The following PRKCH variants were observed in gnomAD, a reference collection of about 807,000 sequenced individuals.
PRKCH encodes the protein protein kinase C eta.
Under a neutral mutation model 82.5 loss-of-function variants are expected in PRKCH, and 28 were observed. The observed-to-expected ratio is 0.34, with a 90% CI of 0.25 to 0.47. The LOEUF (loss-of-function observed/expected upper bound fraction) is 0.47, where lower values mean the gene tolerates loss of function less well. Ranked by LOEUF, PRKCH falls within the 20% of genes least tolerant of loss-of-function variation. The pLI is 1.00. For synonymous variants in PRKCH, 322 were observed against 327.4 expected (o/e 0.98, Z 0.18); for missense variants, 705 against 881.8 (o/e 0.80, Z 2.54).
In PRKCH at chr14:61,549,886, C is replaced by A; in HGVS notation, c.*55C>A. The A allele has an allele frequency of 6.4e-7, 1 of 1,571,214 alleles. No individual in the cohort carries two copies. The highest frequency in any genetic ancestry group is 8.6e-7 in the Non-Finnish European group (1 of 1,156,946). ...GAACCCAAAGGGAATAGAGATTCTC[C>A]AGGAATTTCCTCTATGGGACCTTCC... On this transcript the variant is annotated 3_prime_UTR_variant, in exon 14 of 14. Coordinates refer to ENST00000332981, the MANE Select transcript of PRKCH (RefSeq NM_006255.5).
Position 61,405,795 on chromosome 14 carries a change from G to A in PRKCH, c.427+14507G>A, listed in dbSNP as rs145455927. Among the ~76,000 whole-genome samples the A allele has an allele frequency of 3.2e-3, 463 of 145,498 alleles. 2 individuals carry two copies. Among genetic ancestry groups the A allele is most frequent in the African/African-American group, 0.012 (439 of 36,408 alleles). ...GTAAGTAGGTTGGAGCTCAGTCTTGGTACCTTATAGGGACTTAGTATATAG... is the reference window on the plus strand; with the variant it reads ...GTAAGTAGGTTGGAGCTCAGTCTTGATACCTTATAGGGACTTAGTATATAG... On this transcript the variant is annotated intron_variant, in intron 2 of 13. Coordinates refer to ENST00000332981, the MANE Select transcript of PRKCH (RefSeq NM_006255.5).
In PRKCH at chr14:61,261,327, G is replaced by A. The variant is rs569222145; in HGVS notation, c.-19+73659G>A. 2.1e-4 allele frequency among the ~76,000 whole-genome samples: 32 copies of A among 152,332 alleles called. 2 individuals carry two copies. The South Asian group carries it at 3.5e-3, about 17-fold the overall frequency. ...TAGTTGAAGCAGCATGGGTGGCTGC[G>A]CTGTATGAGAAACAGATGTAAGCTC... On this transcript the variant is annotated intron_variant, in intron 1 of 3. Coordinates refer to the PRKCH transcript ENST00000555185.
intron 1 of PRKCH, among the ~76,000 whole-genome samples, chr14:61,295,737 C>A (rs977956225): frequency 6.6e-6 from 1 of 152,180 alleles, no homozygotes; most frequent in African/African-American, 2.4e-5. Context: ...TATTCTAGAC[C>A]AAGAGGAAGT....
At chr14:61,504,439 C>T (rs1052825231) in intron 10 of PRKCH, among the ~76,000 whole-genome samples, 7 of 152,298 alleles carry the variant, frequency 4.6e-5, no homozygotes, top group Admixed American at 3.9e-4. Flanking sequence ...ATCTACTCAC[C>T]TCGGCCTCCC....
chr14:61,248,998 C>T (rs117834858), intron 1 of PRKCH, among the ~76,000 whole-genome samples: 2,242 of 152,124 alleles, frequency 0.015, 21 homozygotes, highest in Middle Eastern at 0.037. Context: ...GACGGGGTTT[C>T]GCCATGTTTA....
intron 1 of PRKCH, among the ~76,000 whole-genome samples, chr14:61,223,104 C>G (rs1337392650): frequency 6.6e-6 from 1 of 152,124 alleles, no homozygotes; most frequent in Admixed American, 6.6e-5. Context: ...ATCCAATTCT[C>G]CATAAGCAAA....
At chr14:61,290,636 T>C (rs2045353063) in intron 1 of PRKCH, among the ~76,000 whole-genome samples, 1 of 152,176 alleles carries the variant, frequency 6.6e-6, no homozygotes, top group Non-Finnish European at 1.5e-5. Flanking sequence ...AAGACAGGGT[T>C]TGAACAAGGA....
At chr14:61,522,115 C>A (rs1054546433) in intron 10 of PRKCH, among the ~76,000 whole-genome samples, 1 of 152,186 alleles carries the variant, frequency 6.6e-6, no homozygotes, top group Non-Finnish European at 1.5e-5. Context: ...GATCCAGAAC[C>A]TGCTGATGCC....
At position 61,360,278 on chromosome 14, in the gene PRKCH, G is replaced by T. The variant is rs535161671; in HGVS notation, c.364-30947G>T. The stretch of plus-strand genomic sequence containing the variant: ...CCAGCACTTTGGGAGGCCAAGGCAG[G>T]TGGATCACTTGAGGTCAGGAGATCA... On this transcript the variant is annotated intron_variant, in intron 1 of 13. Transcript: ENST00000332981. Among the ~76,000 whole-genome samples, 12 of 152,338 alleles carry T rather than the reference G, an allele frequency of 7.9e-5. No homozygotes were observed. In the East Asian group the frequency reaches 1.9e-3, roughly 24 times the overall value.
rs569552080 is a variant in PRKCH, at chr14:61,479,515, G to A, written c.1279-5987G>A. On this transcript the variant is annotated intron_variant, in intron 9 of 13. Transcript: ENST00000332981. Reference sequence around the variant, plus strand: ...ATCTTGCCCTGCCTGGTCCATGCTCGCTCTCCAGTCACTTTCCTTAGTTAG... The same window carrying A: ...ATCTTGCCCTGCCTGGTCCATGCTCACTCTCCAGTCACTTTCCTTAGTTAG... 4.7e-4 allele frequency among the ~76,000 whole-genome samples: 72 copies of A among 152,248 alleles called. No homozygotes were observed. The South Asian group carries it at 4.8e-3, about 10-fold the overall frequency.
At chr14:61,436,435 G>A (rs1021686139) in intron 2 of PRKCH, among the ~76,000 whole-genome samples, 1 of 61,126 alleles carries the variant, frequency 1.6e-5, no homozygotes, top group Admixed American at 2.2e-4. Context: ...CTTTATCTGA[G>A]TTTGGAAATA....
Position 61,369,424 on chromosome 14 carries a change from G to A in PRKCH, c.364-21801G>A, listed in dbSNP as rs1046518924. 1.1e-4 allele frequency among the ~76,000 whole-genome samples: 17 copies of A among 152,076 alleles called. 1 individual carries two copies. The South Asian group carries it at 2.9e-3, about 26-fold the overall frequency. The stretch of plus-strand genomic sequence containing the variant: ...TGGTGTGGTTTCATTAGGGTTTATC[G>A]TGAACCTTGTTTGTGAACCTGGTTT... On this transcript the variant is annotated intron_variant, in intron 1 of 13. Coordinates refer to ENST00000332981, the MANE Select transcript of PRKCH (RefSeq NM_006255.5).
intron 1 of PRKCH, among the ~76,000 whole-genome samples, chr14:61,386,492 G>T (rs1371412647): frequency 7.9e-5 from 12 of 152,272 alleles, no homozygotes; most frequent in Admixed American, 2.6e-4. Flanking sequence ...GAGTGGACGT[G>T]TTGGGATCTG....
intron 1 of PRKCH, among the ~76,000 whole-genome samples, chr14:61,308,613 G>A (rs180953554): frequency 1.3e-5 from 2 of 152,226 alleles, no homozygotes; most frequent in African/African-American, 4.8e-5. Context: ...ATATATGTGT[G>A]TGTATGTTAT....
chr14:61,462,344 C>T (rs191161063), intron 9 of PRKCH, among the ~76,000 whole-genome samples: 417 of 152,198 alleles, frequency 2.7e-3, no homozygotes, highest in Admixed American at 7.0e-3. Context: ...GAGCCAAGAT[C>T]GTGCCATTGC....
At chr14:61,370,779 G>A (rs1036458472) in intron 1 of PRKCH, among the ~76,000 whole-genome samples, 1 of 151,974 alleles carries the variant, frequency 6.6e-6, no homozygotes, top group African/African-American at 2.4e-5. Context: ...TTTACCAACA[G>A]CTTGTCTGAA....
chr14:61,387,191 A>T (rs1376455986), intron 1 of PRKCH, among the ~76,000 whole-genome samples: 4 of 152,166 alleles, frequency 2.6e-5, no homozygotes, highest in African/African-American at 9.7e-5. Context: ...TTGTGCTCAA[A>T]CCTGAACCAG....
intron 1 of PRKCH, among the ~76,000 whole-genome samples, chr14:61,248,782 ATG>A (rs2044910510): frequency 1.3e-5 from 1 of 75,516 alleles, no homozygotes; most frequent in East Asian, 3.0e-4. Context: ...GTATGTATGT[ATG>A]TATGTATGTA....
chr14:61,482,495 T>C (rs1886024265), intron 9 of PRKCH, among the ~76,000 whole-genome samples: 1 of 152,248 alleles, frequency 6.6e-6, no homozygotes, highest in Non-Finnish European at 1.5e-5. Context: ...CTTTGTTTTT[T>C]ATACCTGGTG....
Sources: allele counts gnomAD v4.1 joint callset (sites outside exome capture counted in the v4.1 genomes callset), GRCh38; gene constraint gnomAD v4.1.1; transcripts MANE v1.5; gene names NCBI Gene and HGNC (gene_info 2026-07-23, HGNC 2026-07-21).